ITGA1: variants seen among roughly 807,000 people sequenced by gnomAD.
ITGA1 encodes integrin subunit alpha 1, also known as integrin alpha-1.
Under a neutral mutation model 145.9 loss-of-function variants are expected in ITGA1, and 85 were observed. That is an observed-to-expected ratio of 0.58 (90% CI 0.49 to 0.70). ITGA1 has a LOEUF of 0.70. ITGA1 is among the 30% of genes least tolerant of loss of function. ITGA1 has a pLI of 0.00. For missense variants in ITGA1, 1,351 were observed against 1,418.7 expected (o/e 0.95, Z 0.77); for synonymous variants, 520 against 495.3 (o/e 1.05, Z -0.66).
At position 52,891,967 on chromosome 5, in the gene ITGA1, C is replaced by G. The variant is rs185365830; in HGVS notation, c.925-1708C>G. Among the ~76,000 whole-genome samples the G allele has an allele frequency of 2.0e-3, 311 of 151,960 alleles. 1 individual carries two copies. The highest frequency in any genetic ancestry group is 5.4e-3 in the South Asian group (26 of 4,814). On this transcript the variant is annotated intron_variant, in intron 8 of 28. Transcript: ENST00000282588. ...TTTTTTTAGGCAGAAAAAGTACAAACCTCAACAAAGCTAATTAGTTGGACT... is the reference window on the plus strand; with the variant it reads ...TTTTTTTAGGCAGAAAAAGTACAAAGCTCAACAAAGCTAATTAGTTGGACT...
chr5:52,830,471 G>T (rs1426111094), intron 1 of ITGA1, among the ~76,000 whole-genome samples: 2 of 151,636 alleles, frequency 1.3e-5, no homozygotes, highest in African/African-American at 2.4e-5. Flanking sequence ...AATTTTTCTG[G>T]CTTTATTTGA....
Position 52,876,581 on chromosome 5 carries a change from C to T in ITGA1, c.625-5292C>T, listed in dbSNP as rs1409241627. Among the ~76,000 whole-genome samples the T allele has an allele frequency of 2.0e-5, 3 of 152,104 alleles. No individual in the cohort carries two copies. In the East Asian group the frequency reaches 5.8e-4, roughly 29 times the overall value. Reference sequence around the variant, plus strand: ...TCTCTTTTTCTGCTTATCATTATTTCCCTGCTATCTCGGTTTTCCATTTGC... The same window carrying T: ...TCTCTTTTTCTGCTTATCATTATTTTCCTGCTATCTCGGTTTTCCATTTGC... On this transcript the variant is annotated intron_variant, in intron 6 of 28. Transcript: ENST00000282588.
Position 52,952,318 on chromosome 5 carries a change from A to T in ITGA1, c.3496-89A>T, listed in dbSNP as rs1432393936. ...GTTGTGTGCCCAGCATTGCCAATATACTATTAAATTTAATTCTATCCAAAG... is the reference window on the plus strand; with the variant it reads ...GTTGTGTGCCCAGCATTGCCAATATTCTATTAAATTTAATTCTATCCAAAG... On this transcript the variant is annotated intron_variant, in intron 28 of 28. Coordinates refer to ENST00000282588, the MANE Select transcript of ITGA1 (RefSeq NM_181501.2). The T allele has an allele frequency of 1.9e-5, 12 of 622,300 alleles. No homozygotes were observed. The East Asian group carries it at 4.1e-4, about 21-fold the overall frequency. The allele number at this position is 622,300 out of a possible 1,614,324, so 38.5% of individuals were successfully genotyped here. A position where few individuals can be genotyped will look rare whatever the true frequency, so the allele number is the denominator to read the frequency against.
rs1056541469 is a variant in ITGA1 at position 52,893,779 on chromosome 5, T to C, written c.1029T>C (p.Ser343=). 99 of 1,612,892 alleles carry C rather than the reference T, an allele frequency of 6.1e-5. No individual in the cohort carries two copies. Among genetic ancestry groups the C allele is most frequent in the Non-Finnish European group, 7.8e-5 (92 of 1,179,164 alleles). Residue 343 remains serine, a synonymous_variant, in exon 9 of 29, where the codon TCT becomes TCC. Coordinates refer to ENST00000282588, the MANE Select transcript of ITGA1 (RefSeq NM_181501.2). The part of the protein sequence containing the change: ...EPTEKHFFNV[S]DELALVTIVK... ...CTGAAAAGCATTTCTTCAATGTCTCTGATGAATTGGCTCTAGTCACCATTG... is the reference window on the plus strand; with the variant it reads ...CTGAAAAGCATTTCTTCAATGTCTCCGATGAATTGGCTCTAGTCACCATTG...
intron 6 of ITGA1, among the ~76,000 whole-genome samples, chr5:52,880,427 CT>C (rs1338315680): frequency 6.6e-6 from 1 of 152,078 alleles, no homozygotes; most frequent in African/African-American, 2.4e-5. Context: ...ATAAAAATTG[CT>C]TTAAATTTGG....
chr5:52,800,488 C>G, intron 1 of ITGA1: 1 of 1,614,110 alleles, frequency 6.2e-7, no homozygotes, highest in Non-Finnish European at 8.5e-7. Flanking sequence ...CACTTACAAC[C>G]TCGTGCAGGT....
Position 52,898,665 on chromosome 5 carries a change from G to T in ITGA1, c.1309+282G>T, listed in dbSNP as rs188776968. On this transcript the variant is annotated intron_variant, in intron 11 of 28. Coordinates refer to ENST00000282588, the MANE Select transcript of ITGA1 (RefSeq NM_181501.2). ...GATATGTTCAGTTTCTCTGTGTCTGGTATCAACTTTAACTTCAAGGAGAAC... is the reference window on the plus strand; with the variant it reads ...GATATGTTCAGTTTCTCTGTGTCTGTTATCAACTTTAACTTCAAGGAGAAC... 1.9e-3 allele frequency among the ~76,000 whole-genome samples: 296 copies of T among 152,118 alleles called. 8 individuals are homozygous for T. The highest frequency in any genetic ancestry group is 0.019 in the Admixed American group (294 of 15,256).
rs547039489 is a variant in ITGA1 at position 52,866,737 on chromosome 5, A to G, written c.624+920A>G. 1.2e-4 allele frequency among the ~76,000 whole-genome samples: 19 copies of G among 152,364 alleles called. No homozygotes were observed. In the South Asian group the frequency reaches 3.7e-3, roughly 30 times the overall value. On this transcript the variant is annotated intron_variant, in intron 6 of 28. Coordinates refer to ENST00000282588, the MANE Select transcript of ITGA1 (RefSeq NM_181501.2). The stretch of plus-strand genomic sequence containing the variant: ...GCCACTAAATGAAGTGGAACTTCTC[A>G]CACAGCTTTTCCACTTTAGATACTG...
At chr5:52,879,283 A>T (rs1186282084) in intron 6 of ITGA1, among the ~76,000 whole-genome samples, 1 of 152,054 alleles carries the variant, frequency 6.6e-6, no homozygotes, top group South Asian at 2.1e-4. Context: ...AGGAGGGAAA[A>T]TTTTCAAAGT....
intron 24 of ITGA1, among the ~76,000 whole-genome samples, chr5:52,938,116 T>C (rs547551472): frequency 6.6e-6 from 1 of 152,360 alleles, no homozygotes; most frequent in South Asian, 2.1e-4. Context: ...GGGACCACTA[T>C]TCAATCCACT....
chr5:52,826,477 A>C (rs938216054), intron 1 of ITGA1, among the ~76,000 whole-genome samples: 4 of 152,246 alleles, frequency 2.6e-5, no homozygotes, highest in Non-Finnish European at 5.9e-5. Flanking sequence ...TAATTTGGTA[A>C]AAGTAGCTAC....
chr5:52,911,225 G>C (rs935588755), intron 14 of ITGA1, among the ~76,000 whole-genome samples: 2 of 132,360 alleles, frequency 1.5e-5, no homozygotes, highest in South Asian at 4.8e-4. Flanking sequence ...TGTATATATA[G>C]TATATGTAGT....
chr5:52,804,248 A>G (rs1052138059), intron 1 of ITGA1, among the ~76,000 whole-genome samples: 7 of 152,226 alleles, frequency 4.6e-5, no homozygotes, highest in African/African-American at 1.7e-4. Context: ...GATAACTCCA[A>G]TGTACCTTCT....
intron 14 of ITGA1, among the ~76,000 whole-genome samples, chr5:52,913,144 T>A (rs112260757): frequency 0.015 from 2,262 of 152,224 alleles, 65 homozygotes; most frequent in African/African-American, 0.051. Flanking sequence ...AAAAAAAGAA[T>A]ACTTTGTAAC....
intron 1 of ITGA1, among the ~76,000 whole-genome samples, chr5:52,808,230 A>G (rs1172401852): frequency 1.3e-5 from 2 of 152,240 alleles, no homozygotes; most frequent in South Asian, 2.1e-4. Flanking sequence ...ATGTCTTTCA[A>G]TGATTTTCAT....
At chr5:52,892,796 A>C (rs1445326826) in intron 8 of ITGA1, among the ~76,000 whole-genome samples, 1 of 152,088 alleles carries the variant, frequency 6.6e-6, no homozygotes, top group Non-Finnish European at 1.5e-5. Flanking sequence ...TCAAAGCTAT[A>C]AGGACAGATT....
intron 8 of ITGA1, among the ~76,000 whole-genome samples, chr5:52,888,239 C>A (rs4865750): frequency 6.8e-6 from 1 of 146,254 alleles, no homozygotes; most frequent in Non-Finnish European, 1.5e-5. Flanking sequence ...AAGAAGGAAG[C>A]AAAAACATAA....
chr5:52,841,347 C>T (rs1234512861), intron 1 of ITGA1, among the ~76,000 whole-genome samples: 2 of 152,124 alleles, frequency 1.3e-5, no homozygotes, highest in African/African-American at 4.8e-5. Flanking sequence ...TGCTTCTGTA[C>T]TCATTGGCCA....
At position 52,864,850 on chromosome 5, in the gene ITGA1, T is replaced by G. The variant is rs1274930393; in HGVS notation, c.383T>G (p.Leu128Arg). ...TLVTNPNGGF[L>R]ACGPLYAYRC... Reference sequence around the variant, plus strand: ...GTCACCAACCCAAATGGAGGATTTCTGGTAAGAATGGAGAGAATGATATTT... The same window carrying G: ...GTCACCAACCCAAATGGAGGATTTCGGGTAAGAATGGAGAGAATGATATTT... Residue 128 changes from leucine (L) to arginine (R), a missense_variant and splice_region_variant, in exon 4 of 29, where the codon CTG becomes CGG. Leu to Arg is a moderately radical substitution (Grantham distance 102). Coordinates refer to ENST00000282588, the MANE Select transcript of ITGA1 (RefSeq NM_181501.2). 6.3e-7 allele frequency: 1 copy of G among 1,599,448 alleles called. No homozygotes were observed. Among genetic ancestry groups the G allele is most frequent in the South Asian group, 1.1e-5 (1 of 90,556 alleles).
Sources: allele counts gnomAD v4.1 joint callset (sites outside exome capture counted in the v4.1 genomes callset), GRCh38; gene constraint gnomAD v4.1.1; transcripts MANE v1.5; gene names NCBI Gene and HGNC (gene_info 2026-07-23, HGNC 2026-07-21).